Variants in FAM149A observed in about 807,000 individuals in gnomAD.
FAM149A encodes family with sequence similarity 149 member A.
FAM149A carries 71 observed loss-of-function variants against 78.2 expected under a neutral mutation model. That is an observed-to-expected ratio of 0.91 (90% CI 0.75 to 1.11). The LOEUF (loss-of-function observed/expected upper bound fraction) is 1.11, where lower values mean the gene tolerates loss of function less well. FAM149A is among the 50% of genes least tolerant of loss of function. The pLI is 0.00. For synonymous variants in FAM149A, 446 were observed against 410.5 expected (o/e 1.09, Z -1.04); for missense variants, 1,036 against 971.0 (o/e 1.07, Z -0.89).
intron 3 of FAM149A, among the ~76,000 whole-genome samples, chr4:186,150,051 A>G (rs1733354104): frequency 6.6e-6 from 1 of 152,198 alleles, no homozygotes; most frequent in East Asian, 1.9e-4. Flanking sequence ...TGGAAAAGTA[A>G]AAGCTGTGGC....
In FAM149A at chr4:186,114,754, C is replaced by T. The variant is rs868597737; in HGVS notation, c.566+9112C>T. On this transcript the variant is annotated intron_variant, in intron 1 of 13. Transcript: ENST00000389354. ...CTCTTCTGGCTTGTAGGGTTTCTGCCGAGAGATCCGCTGTTAGTCTGATAG... is the reference window on the plus strand; with the variant it reads ...CTCTTCTGGCTTGTAGGGTTTCTGCTGAGAGATCCGCTGTTAGTCTGATAG... Among the ~76,000 whole-genome samples, 17 of 3,114 alleles carry T rather than the reference C, an allele frequency of 5.5e-3. 8 individuals are homozygous for T. The highest frequency in any genetic ancestry group is 5.8e-3 in the African/African-American group (17 of 2,948). The allele number at this position is 3,114 out of a possible 152,430, so 2.0% of individuals were successfully genotyped here.
At chr4:186,162,232 G>A (rs569425170) in intron 8 of FAM149A, among the ~76,000 whole-genome samples, 21 of 152,322 alleles carry the variant, frequency 1.4e-4, no homozygotes, top group Admixed American at 2.6e-4. Context: ...AGCAGTTAGA[G>A]CTGGGGTTCA....
At chr4:186,150,978 C>G (rs1193006763) in intron 3 of FAM149A, 8 of 969,338 alleles carry the variant, frequency 8.3e-6, no homozygotes, top group Non-Finnish European at 9.8e-6. Context: ...CCTGGGCCTC[C>G]CATGGCATGA....
chr4:186,146,636 G>A lies in FAM149A; in HGVS notation c.567-2537G>A, dbSNP rs1214818529. Reference sequence around the variant, plus strand: ...GCTTCAAAGTTGCACAAAAGCAGGAGGAGGAGCTAGAAGCAGGATAGACCG... The same window carrying A: ...GCTTCAAAGTTGCACAAAAGCAGGAAGAGGAGCTAGAAGCAGGATAGACCG... On this transcript the variant is annotated intron_variant, in intron 1 of 13. Coordinates refer to ENST00000389354, the MANE Select transcript of FAM149A (RefSeq NM_001367768.3). 5.5e-6 allele frequency: 4 copies of A among 724,380 alleles called. No individual in the cohort carries two copies. The South Asian group carries it at 1.9e-4, about 34-fold the overall frequency. 44.9% of individuals were successfully genotyped at this position (724,380 alleles called of 1,614,324 possible).
chr4:186,137,079 T>C (rs941478794), intron 1 of FAM149A, among the ~76,000 whole-genome samples: 3 of 151,230 alleles, frequency 2.0e-5, no homozygotes, highest in Admixed American at 6.6e-5. Context: ...GTGGATACTA[T>C]GGTAGAACAT....
intron 1 of FAM149A, chr4:186,124,251 G>A: frequency 1.0e-6 from 1 of 972,212 alleles, no homozygotes; most frequent in Non-Finnish European, 1.2e-6. Context: ...TGTTTTTTGG[G>A]TTAATTTTTC....
rs116132263 is a variant in FAM149A at position 186,145,125 on chromosome 4, C to A, written c.567-4048C>A. On this transcript the variant is annotated intron_variant, in intron 1 of 13. Coordinates refer to ENST00000389354, the MANE Select transcript of FAM149A (RefSeq NM_001367768.3). ...TGATCGTAATCGGGTGAGTCTCATC[C>A]GGCAGCAGGGCTCGCCTTCTGGCCG... The A allele has an allele frequency of 3.0e-3, 3,000 of 985,582 alleles. 71 individuals carry two copies. In the African/African-American group the frequency reaches 0.048, roughly 16 times the overall value. 61.1% of individuals were successfully genotyped at this position (985,582 alleles called of 1,614,324 possible).
Position 186,167,108 on chromosome 4 carries a change from G to T in FAM149A, c.2139+12G>T, listed in dbSNP as rs769632179. ...CCCACACGTTCCGGGTGGGTTCTCT[G>T]TTTCCTGTAACTTTAATTTTGAAAA... On this transcript the variant is annotated intron_variant, in intron 12 of 13. Transcript: ENST00000389354. 1.1e-5 allele frequency: 17 copies of T among 1,606,746 alleles called. No individual in the cohort carries two copies. Among genetic ancestry groups the T allele is most frequent in the Non-Finnish European group, 1.4e-5 (17 of 1,174,208 alleles).
At chr4:186,169,580 G>A in intron 13 of FAM149A, 1 of 985,414 alleles carries the variant, frequency 1.0e-6, no homozygotes, top group Non-Finnish European at 1.2e-6. Context: ...TCGCCTCTCT[G>A]GCCACCAGCT....
chr4:186,156,084 CTG>C lies in FAM149A; in HGVS notation c.1318_1319del (p.Val440GlnfsTer10). 2 of 1,613,954 alleles carry C rather than the reference CTG, an allele frequency of 1.2e-6. No individual in the cohort carries two copies. The highest frequency in any genetic ancestry group is 1.7e-6 in the Non-Finnish European group (2 of 1,179,874). On this transcript the variant is annotated frameshift_variant, in exon 7 of 14. Transcript: ENST00000389354. LOFTEE classifies it high-confidence loss of function. ...GACTTCCTCCTGTTTCCCCGCGTGA[CTG>C]TGTCAAAGATGCCGTGGCAGCAGAA...
chr4:186,171,796 G>A (rs774223871), intron 13 of FAM149A, 118 bp from the exon 14 acceptor site: 8 of 694,104 alleles, frequency 1.2e-5, no homozygotes, highest in Non-Finnish European at 1.7e-5. Flanking sequence ...TTATACAAAA[G>A]TGTATTAAAA....
At chr4:186,109,994 T>C (rs775343628) in intron 1 of FAM149A, 165 of 985,310 alleles carry the variant, frequency 1.7e-4, no homozygotes, top group Non-Finnish European at 2.0e-4. Flanking sequence ...TGCAGAATAA[T>C]CAGTAGCATC....
intron 1 of FAM149A, among the ~76,000 whole-genome samples, chr4:186,112,265 G>C (rs1347722631): frequency 1.3e-5 from 2 of 151,052 alleles, no homozygotes; most frequent in Non-Finnish European, 2.9e-5. Flanking sequence ...AGACTTCGCT[G>C]AAGTTGCTTA....
intron 1 of FAM149A, among the ~76,000 whole-genome samples, chr4:186,141,394 A>G (rs1368600868): frequency 6.6e-6 from 1 of 152,232 alleles, no homozygotes; most frequent in Non-Finnish European, 1.5e-5. Flanking sequence ...ATATATCATT[A>G]AAATTAATTG....
intron 1 of FAM149A, among the ~76,000 whole-genome samples, chr4:186,129,133 CTCTGTGTG>C (rs1561392121): frequency 7.7e-6 from 1 of 129,408 alleles, no homozygotes; most frequent in Admixed American, 8.3e-5. Context: ...GTGTATGTGC[CTCTGTGTG>C]TCTGTGTGTG....
intron 1 of FAM149A, chr4:186,146,828 A>G (rs1195150474): frequency 1.0e-6 from 1 of 985,416 alleles, no homozygotes; most frequent in Middle Eastern, 5.2e-4. Context: ...TGTTTCAGGC[A>G]TAAACATTCA....
At chr4:186,117,711 A>G in intron 1 of FAM149A, 1 of 960,852 alleles carries the variant, frequency 1.0e-6, no homozygotes, top group Non-Finnish European at 1.2e-6. Flanking sequence ...AACACTGGAA[A>G]AGCCAGGATT....
At chr4:186,122,443 A>G (rs1365340705) in intron 1 of FAM149A, among the ~76,000 whole-genome samples, 2 of 152,228 alleles carry the variant, frequency 1.3e-5, no homozygotes, top group African/African-American at 2.4e-5. Flanking sequence ...TTCCTTAGAT[A>G]TGATAACAGT....
chr4:186,169,030 G>A (rs867682940), intron 13 of FAM149A, among the ~76,000 whole-genome samples: 2 of 152,142 alleles, frequency 1.3e-5, no homozygotes, highest in Admixed American at 6.5e-5. Flanking sequence ...AAATTCTGAC[G>A]AGTTCACTTT....
Sources: allele counts gnomAD v4.1 joint callset (sites outside exome capture counted in the v4.1 genomes callset), GRCh38; gene constraint gnomAD v4.1.1; transcripts MANE v1.5; gene names NCBI Gene and HGNC (gene_info 2026-07-23, HGNC 2026-07-21).